THRB: variants seen among roughly 807,000 people sequenced by gnomAD.
The protein encoded by THRB is nuclear receptor subfamily 1 group A member 2.
In THRB, 12 loss-of-function variants were observed where a neutral mutation model predicts 47.8. The ratio of observed to expected loss-of-function variants is 0.25; its 90% CI spans 0.16 to 0.41. THRB has a LOEUF of 0.41. Among genes scored for constraint, THRB ranks in the 10% least tolerant of loss-of-function variants. The probability of loss-of-function intolerance (pLI) is 1.00; values close to 1 mark genes in which losing one functional copy is unlikely to be tolerated. For synonymous variants in THRB, 218 were observed against 212.2 expected (o/e 1.03, Z -0.24); for missense variants, 348 against 589.2 (o/e 0.59, Z 4.24).
chr3:24,486,577 G>A (rs929686593), intron 1 of THRB: 3 of 152,194 alleles, frequency 2.0e-5, no homozygotes, highest in African/African-American at 7.2e-5. Context: ...TCTAGTGCAT[G>A]GCTTCACTTT....
intron 1 of THRB, among the ~76,000 whole-genome samples, chr3:24,339,069 G>A (rs918094677): frequency 6.6e-6 from 1 of 151,924 alleles, no homozygotes; most frequent in Non-Finnish European, 1.5e-5. Context: ...ATGACTTTAT[G>A]GCAATTATGT....
intron 4 of THRB, among the ~76,000 whole-genome samples, chr3:24,197,146 T>G (rs1001165306): frequency 8.5e-5 from 13 of 152,210 alleles, no homozygotes; most frequent in African/African-American, 3.1e-4. Context: ...ATCCAGTAAC[T>G]TTGCAAACAC....
At chr3:24,378,783 T>A (rs9861046) in intron 1 of THRB, among the ~76,000 whole-genome samples, 1 of 151,892 alleles carries the variant, frequency 6.6e-6, no homozygotes, top group African/African-American at 2.4e-5. Context: ...GGAAACTAAC[T>A]TTATTAATAA....
intron 8 of THRB, among the ~76,000 whole-genome samples, chr3:24,135,547 T>G (rs2034512871): frequency 6.6e-6 from 1 of 152,288 alleles, no homozygotes; most frequent in East Asian, 1.9e-4. Flanking sequence ...CGGCTGGCTC[T>G]CTGGGAGCAG....
In THRB at chr3:24,459,730, T is replaced by A. The variant is rs184289143; in HGVS notation, c.-261+34922A>T. Among the ~76,000 whole-genome samples the A allele has an allele frequency of 2.2e-4, 34 of 152,368 alleles. No homozygotes were observed. The East Asian group carries it at 6.2e-3, about 28-fold the overall frequency. ...GGATGACCAGTGATGATGAGCTTTT[T>A]TTCATGTTTGTTGGCTGCATAAATG... On this transcript the variant is annotated intron_variant, in intron 1 of 10. Coordinates refer to ENST00000646209, the MANE Select transcript of THRB (RefSeq NM_001354712.2).
At chr3:24,477,121 T>G (rs1285520059) in intron 1 of THRB, among the ~76,000 whole-genome samples, 3 of 150,386 alleles carry the variant, frequency 2.0e-5, no homozygotes, top group African/African-American at 7.4e-5. Context: ...TGTGTGTGGT[T>G]TCACATTTTT....
intron 1 of THRB, among the ~76,000 whole-genome samples, chr3:24,475,703 T>C (rs1695352010): frequency 6.6e-6 from 1 of 152,202 alleles, no homozygotes; most frequent in Non-Finnish European, 1.5e-5. Flanking sequence ...AGGTATCTCA[T>C]CTTCACTATC....
intron 1 of THRB, among the ~76,000 whole-genome samples, chr3:24,466,499 G>C (rs1373666657): frequency 1.3e-5 from 2 of 152,128 alleles, no homozygotes; most frequent in Non-Finnish European, 2.9e-5. Flanking sequence ...GAAGAGTTCT[G>C]CTGGCTCCGT....
At position 24,119,631 on chromosome 3, in the gene THRB, C is replaced by G. The variant is rs1004533298; in HGVS notation, c.*3253G>C. The G allele has an allele frequency of 2.0e-5, 3 of 152,212 alleles. No individual in the cohort carries two copies. Among genetic ancestry groups the G allele is most frequent in the African/African-American group, 7.2e-5 (3 of 41,412 alleles). 9.4% of individuals were successfully genotyped at this position (152,212 alleles called of 1,614,324 possible). On this transcript the variant is annotated 3_prime_UTR_variant, in exon 11 of 11. Transcript: ENST00000646209. ...CAGAGCGAAGGCCTGGCAGTCCACC[C>G]CAGGCCTGCACTGCACACTGAAGAG...
chr3:24,148,693 G>A (rs9844739), intron 6 of THRB, among the ~76,000 whole-genome samples: 24,820 of 152,168 alleles, frequency 0.16, 2,098 homozygotes, highest in South Asian at 0.27. Context: ...AATGTTCTTT[G>A]GCTTTGATTA....
chr3:24,282,765 C>G (rs1304079646), intron 3 of THRB, among the ~76,000 whole-genome samples: 1 of 149,762 alleles, frequency 6.7e-6, no homozygotes, highest in African/African-American at 2.5e-5. Flanking sequence ...CACCACCGAT[C>G]CCACAGAAAT....
intron 4 of THRB, among the ~76,000 whole-genome samples, chr3:24,220,764 T>C (rs826248): frequency 0.72 from 107,330 of 149,966 alleles, 39,730 homozygotes; most frequent in African/African-American, 0.92. Context: ...AAATGCAGCA[T>C]GAAAAAGACA....
At chr3:24,255,515 G>A (rs1191594983) in intron 3 of THRB, among the ~76,000 whole-genome samples, 2 of 152,144 alleles carry the variant, frequency 1.3e-5, no homozygotes, top group African/African-American at 4.8e-5. Context: ...GCCAAAATGT[G>A]GGCTCTCACT....
At chr3:24,167,844 A>G (rs559137115) in intron 5 of THRB, among the ~76,000 whole-genome samples, 23 of 152,278 alleles carry the variant, frequency 1.5e-4, no homozygotes, top group African/African-American at 5.5e-4. Flanking sequence ...AATTTTCAGA[A>G]ATCTCTAAAT....
intron 4 of THRB, among the ~76,000 whole-genome samples, chr3:24,228,654 G>GA (rs1222928685): frequency 2.0e-4 from 29 of 148,592 alleles, no homozygotes; most frequent in South Asian, 1.9e-3. Context: ...AAAAAAAAAG[G>GA]AAAAAAAAGA....
chr3:24,173,629 C>T (rs1461865757), intron 5 of THRB, among the ~76,000 whole-genome samples: 2 of 152,182 alleles, frequency 1.3e-5, no homozygotes, highest in African/African-American at 2.4e-5. Flanking sequence ...TACCAGAAAC[C>T]TCCATGTCAT....
rs752258843 is a variant in THRB, at chr3:24,482,534, TCTCC to T, written c.-261+12114_-261+12117del. Among the ~76,000 whole-genome samples the T allele has an allele frequency of 1.3e-3, 185 of 142,482 alleles. 2 individuals are homozygous for T. The South Asian group carries it at 0.024, about 18-fold the overall frequency. 93.5% of individuals were successfully genotyped at this position (142,482 alleles called of 152,430 possible). ...TTCGTTCTTTCTTTCTTTCTTTCTG[TCTCC>T]CTCTCTCTCTCTCTCTCTCTCTCTC... On this transcript the variant is annotated intron_variant, in intron 1 of 10. Transcript: ENST00000646209.
intron 2 of THRB, among the ~76,000 whole-genome samples, chr3:24,321,903 T>G (rs554167597): frequency 1.3e-5 from 2 of 152,188 alleles, no homozygotes; most frequent in Non-Finnish European, 1.5e-5. Context: ...TGCTGGTTAC[T>G]TGTTGGAATA....
intron 1 of THRB, among the ~76,000 whole-genome samples, chr3:24,387,852 A>C (rs995042268): frequency 2.6e-5 from 4 of 152,202 alleles, no homozygotes; most frequent in African/African-American, 4.8e-5. Flanking sequence ...ACAGGCCAGC[A>C]AAAGTAGGGA....
Sources: gnomAD v4.1 joint callset for allele counts (sites outside exome capture counted in the v4.1 genomes callset) on GRCh38, gnomAD v4.1.1 for gene constraint, MANE v1.5 for transcripts, NCBI Gene and HGNC (gene_info 2026-07-23, HGNC 2026-07-21) for gene names.